GSE1: variants seen among roughly 807,000 people sequenced by gnomAD.
GSE1 encodes genetic suppressor element 1.
In GSE1, 32 loss-of-function variants were observed where a neutral mutation model predicts 112.6. The ratio of observed to expected loss-of-function variants is 0.28; its 90% CI spans 0.21 to 0.38. The LOEUF is 0.38. GSE1 is among the 10% of genes least tolerant of loss of function. The probability of loss-of-function intolerance (pLI) is 1.00; values close to 1 mark genes in which losing one functional copy is unlikely to be tolerated. For missense variants in GSE1, 2,348 were observed against 1,699.2 expected (o/e 1.38, Z -6.71); for synonymous variants, 1,115 against 735.6 (o/e 1.52, Z -8.35).
intron 1 of GSE1, among the ~76,000 whole-genome samples, chr16:85,268,905 G>C (rs1255570438): frequency 6.7e-6 from 1 of 149,782 alleles, no homozygotes; most frequent in East Asian, 1.9e-4. Flanking sequence ...TCTACTTGAG[G>C]GGGGACCAGG....
At chr16:85,187,120 T>G (rs2143393055) in intron 1 of GSE1, among the ~76,000 whole-genome samples, 1 of 152,286 alleles carries the variant, frequency 6.6e-6, no homozygotes, top group East Asian at 1.9e-4. Context: ...CGCCTCCAGG[T>G]CTGGAGCCGG....
At chr16:85,531,096 G>A (rs537887227) in intron 2 of GSE1, among the ~76,000 whole-genome samples, 1 of 152,246 alleles carries the variant, frequency 6.6e-6, no homozygotes, top group East Asian at 1.9e-4. Flanking sequence ...CGGTTGCCCG[G>A]ATTCAGACCT....
chr16:85,367,609 T>A (rs1165455044), intron 2 of GSE1, among the ~76,000 whole-genome samples: 1 of 151,910 alleles, frequency 6.6e-6, no homozygotes, highest in Non-Finnish European at 1.5e-5. Flanking sequence ...GGCAGAGAGT[T>A]CCAGACCAAG....
At chr16:85,564,992 C>T (rs1037689057) in intron 1 of GSE1, among the ~76,000 whole-genome samples, 6 of 151,990 alleles carry the variant, frequency 3.9e-5, no homozygotes, top group African/African-American at 9.7e-5. Context: ...GGAATGAAGC[C>T]GGGGAGTGGG....
chr16:85,455,407 G>GAAAGA (rs552339456), intron 2 of GSE1, among the ~76,000 whole-genome samples: 36 of 152,028 alleles, frequency 2.4e-4, no homozygotes, highest in East Asian at 1.5e-3. Context: ...GAGAGAGAAA[G>GAAAGA]AAAGAAAAGA....
At chr16:85,613,814 G>T (rs924687810) in intron 1 of GSE1, among the ~76,000 whole-genome samples, 1 of 145,892 alleles carries the variant, frequency 6.9e-6, no homozygotes, top group Non-Finnish European at 1.5e-5. Context: ...GGGTGGCTGT[G>T]CGCCCCCGCG....
chr16:85,657,053 T>TG (rs1421790682), intron 7 of GSE1, among the ~76,000 whole-genome samples: 1 of 152,240 alleles, frequency 6.6e-6, no homozygotes, highest in African/African-American at 2.4e-5. Context: ...CCGCACTGGC[T>TG]GGGCAAGAGT....
chr16:85,648,735 G>C lies in GSE1; in HGVS notation c.410G>C (p.Arg137Thr). ...ACCAAAACCGTGAATGGTGTCTGGA[G>C]GAGTGAGAGCCGGCAGGTGAGTGGG... ...APTKTVNGVW[R>T]SESRQDAGSR... Residue 137 changes from arginine (R) to threonine (T), a missense_variant, in exon 3 of 16, where the codon AGG (arginine) becomes ACG (threonine). Arg to Thr is a moderately conservative substitution (Grantham distance 71, BLOSUM62 -1). Transcript: ENST00000253458. The C allele has an allele frequency of 1.9e-6, 3 of 1,593,442 alleles. No individual in the cohort carries two copies. The highest frequency in any genetic ancestry group is 2.6e-6 in the Non-Finnish European group (3 of 1,170,940).
chr16:85,613,157 G>T (rs118085981), upstream of GSE1: 1 of 1,357,204 alleles, frequency 7.4e-7, no homozygotes, highest in Non-Finnish European at 9.6e-7. Context: ...GCTGGCTGAG[G>T]TCAGGGAGCC....
chr16:85,478,913 TTCTTTCTTTCTTTC>T (rs2050573347), intron 2 of GSE1, among the ~76,000 whole-genome samples: 2 of 68,178 alleles, frequency 2.9e-5, no homozygotes, highest in Non-Finnish European at 5.4e-5. Flanking sequence ...CTTTCTTTCT[TTCTTTCTTTCTTTC>T]TCTTTCTTTC....
chr16:85,280,548 A>C (rs2044827319), intron 1 of GSE1, among the ~76,000 whole-genome samples: 2 of 152,246 alleles, frequency 1.3e-5, no homozygotes, highest in Admixed American at 6.5e-5. Flanking sequence ...GGCGCCCGCC[A>C]CCATACCTGG....
chr16:85,672,743 G>A lies in GSE1; in HGVS notation c.*204G>A, dbSNP rs149436912. 204 of 414,168 alleles carry A rather than the reference G, an allele frequency of 4.9e-4. No homozygotes were observed. Among genetic ancestry groups the A allele is most frequent in the East Asian group, 4.5e-3 (124 of 27,666 alleles). The allele number at this position is 414,168 out of a possible 1,614,324, so 25.7% of individuals were successfully genotyped here. On this transcript the variant is annotated 3_prime_UTR_variant, in exon 16 of 16. Transcript: ENST00000253458. ...AATTGAATCACCGTTGTCATTCAGC[G>A]AGCAACCAATGTAGGATTGCCCACA...
chr16:85,288,805 G>A (rs1156780141), intron 1 of GSE1, among the ~76,000 whole-genome samples: 2 of 152,214 alleles, frequency 1.3e-5, no homozygotes, highest in East Asian at 1.9e-4. Context: ...GGTGGGGAGG[G>A]TGGAGCTGTC....
chr16:85,494,136 G>A (rs1027015277), intron 2 of GSE1, among the ~76,000 whole-genome samples: 1 of 152,234 alleles, frequency 6.6e-6, no homozygotes, highest in South Asian at 2.1e-4. Flanking sequence ...CCGAACAGAG[G>A]GGCTTATAAC....
intron 1 of GSE1, among the ~76,000 whole-genome samples, chr16:85,222,031 G>A (rs1277233295): frequency 6.6e-6 from 1 of 152,182 alleles, no homozygotes; most frequent in African/African-American, 2.4e-5. Context: ...TCAGCCTCGG[G>A]TCTGCTGGGA....
At chr16:85,217,519 T>C (rs756979314) in intron 1 of GSE1, among the ~76,000 whole-genome samples, 9 of 152,202 alleles carry the variant, frequency 5.9e-5, no homozygotes, top group Non-Finnish European at 1.2e-4. Context: ...GATCCCAGGC[T>C]CAGAGAGTGC....
At chr16:85,602,356 A>G (rs1265927593) in intron 1 of GSE1, among the ~76,000 whole-genome samples, 2 of 152,142 alleles carry the variant, frequency 1.3e-5, no homozygotes, top group South Asian at 2.1e-4. Context: ...GGCTTTTAAC[A>G]TGTGGTAGAA....
At chr16:85,638,399 T>C (rs1301930895) in intron 2 of GSE1, among the ~76,000 whole-genome samples, 3 of 152,166 alleles carry the variant, frequency 2.0e-5, no homozygotes, top group Non-Finnish European at 4.4e-5. Context: ...TTTAACCTAC[T>C]CACCTACTCA....
At chr16:85,298,428 A>G (rs920061076) in intron 1 of GSE1, among the ~76,000 whole-genome samples, 3 of 152,038 alleles carry the variant, frequency 2.0e-5, no homozygotes, top group Admixed American at 2.0e-4. Context: ...TATTTTATTT[A>G]TTATTATTAT....
Sources: allele counts gnomAD v4.1 joint callset (sites outside exome capture counted in the v4.1 genomes callset), GRCh38; gene constraint gnomAD v4.1.1; transcripts MANE v1.5; gene names NCBI Gene and HGNC (gene_info 2026-07-23, HGNC 2026-07-21).